TMX3: variants seen among roughly 807,000 people sequenced by gnomAD.
TMX3 encodes the protein thioredoxin related transmembrane protein 3, also known as protein disulfide-isomerase TMX3.
TMX3 carries 40 observed loss-of-function variants against 64.4 expected under a neutral mutation model. That is an observed-to-expected ratio of 0.62 (90% CI 0.48 to 0.81). The LOEUF is 0.81. Ranked by LOEUF, TMX3 falls within the 30% of genes least tolerant of loss-of-function variation. TMX3 has a pLI of 0.00. For missense variants in TMX3, 497 were observed against 534.5 expected, an observed-to-expected ratio of 0.93 and a Z score of 0.69; for synonymous variants, 189 against 175.7, an observed-to-expected ratio of 1.08 and a Z score of -0.60.
Position 68,682,936 on chromosome 18 carries a change from G to C in TMX3, c.894C>G (p.Thr298=), listed in dbSNP as rs1216818443. ...AGCACTTTACTTACTCCATCAGCAA[G>C]GTATTTATGTAGTCATTTCCATCCA... The part of the protein sequence containing the change: ...GHMDGNDYIN[T]LLMDELTVPT... The change falls in exon 13 of 16, where the codon ACC becomes ACG. Residue 298 remains threonine, a synonymous_variant. Transcript: ENST00000299608. 1 of 1,605,666 alleles carries C rather than the reference G, an allele frequency of 6.2e-7. No individual in the cohort carries two copies. The highest frequency in any genetic ancestry group is 2.3e-5 in the East Asian group (1 of 44,394).
Position 68,681,099 on chromosome 18 carries a change from A to AC in TMX3, c.916dup (p.Val306GlyfsTer19). 6.4e-7 allele frequency: 1 copy of AC among 1,564,306 alleles called. No individual in the cohort carries two copies. The highest frequency in any genetic ancestry group is 8.6e-7 in the Non-Finnish European group (1 of 1,157,864). On this transcript the variant is annotated frameshift_variant, in exon 14 of 16. Transcript: ENST00000299608. LOFTEE classifies it high-confidence loss of function. Reference sequence around the variant, plus strand: ...AGTATTCAGTACAACTACAGTTGGGACTGTCAATTCACTGAAAATATAAAA... The same window carrying AC: ...AGTATTCAGTACAACTACAGTTGGGACCTGTCAATTCACTGAAAATATAAAA...
At chr18:68,710,993 C>T (rs537305419) in intron 3 of TMX3, among the ~76,000 whole-genome samples, 2 of 152,168 alleles carry the variant, frequency 1.3e-5, no homozygotes, top group South Asian at 4.1e-4. Context: ...ATGACTTTGA[C>T]TAAGTGATAT....
At chr18:68,683,988 T>C (rs1913699558) in intron 12 of TMX3, among the ~76,000 whole-genome samples, 1 of 152,152 alleles carries the variant, frequency 6.6e-6, no homozygotes, top group Admixed American at 6.5e-5. Context: ...ATAGTATATG[T>C]AGCATTCCAT....
intron 15 of TMX3, among the ~76,000 whole-genome samples, chr18:68,677,467 A>C (rs1913032890): frequency 6.6e-6 from 1 of 152,096 alleles, no homozygotes; most frequent in African/African-American, 2.4e-5. Flanking sequence ...AAAGACACTG[A>C]TTTTTCTACA....
chr18:68,679,573 T>C (rs775678358), intron 14 of TMX3, 42 bp from the exon 15 acceptor site: 169 of 1,530,288 alleles, frequency 1.1e-4, no homozygotes, highest in Non-Finnish European at 1.5e-4. Flanking sequence ...TAAGCACCAT[T>C]ACTTCATTTA....
Position 68,675,398 on chromosome 18 carries a change from C to G in TMX3, c.*1535G>C, listed in dbSNP as rs1011447689. ...AGAATAGGTATTTAATTATTAAATA[C>G]TAAAAGAGTACATGGATAAAATAAA... is the stretch of plus-strand genomic sequence containing the variant. On this transcript the variant is annotated 3_prime_UTR_variant, in exon 16 of 16. Transcript: ENST00000299608. 7 of 151,892 alleles carry G rather than the reference C, an allele frequency of 4.6e-5. No individual in the cohort carries two copies. Among genetic ancestry groups the G allele is most frequent in the Non-Finnish European group, 1.0e-4 (7 of 67,976 alleles). 9.4% of individuals were successfully genotyped at this position (151,892 alleles called of 1,614,324 possible). A position where few individuals can be genotyped will look rare whatever the true frequency, so the allele number is the denominator to read the frequency against.
intron 7 of TMX3, 141 bp from the exon 8 acceptor site, chr18:68,697,444 A>G: frequency 2.3e-6 from 1 of 436,676 alleles, no homozygotes; most frequent in Admixed American, 4.1e-5. Context: ...GGTGAAGAGA[A>G]GAAATGTAAG....
intron 8 of TMX3, among the ~76,000 whole-genome samples, chr18:68,694,096 T>G (rs751406986): frequency 3.3e-5 from 5 of 152,116 alleles, no homozygotes; most frequent in Non-Finnish European, 7.4e-5. Context: ...TCATTCTTCC[T>G]GGATGCGGGA....
rs770365000 is a variant in TMX3 at position 68,701,755 on chromosome 18, T to C, written c.301A>G (p.Thr101Ala). ...ASEFGVRGYP[T>A]IKLLKGDLAY... ...CAACACTCAACTTACAGCTTAATTGTTGGATAACCTCGAACTCCAAACTCT... is the reference window on the plus strand; with the variant it reads ...CAACACTCAACTTACAGCTTAATTGCTGGATAACCTCGAACTCCAAACTCT... The change falls in exon 5 of 16, where the codon ACA (threonine) becomes GCA (alanine). Residue 101 changes from threonine (T) to alanine (A), a missense_variant. Physicochemically the swap from Thr to Ala is moderately conservative, Grantham distance 58. Coordinates refer to ENST00000299608, the MANE Select transcript of TMX3 (RefSeq NM_019022.5). The C allele has an allele frequency of 8.1e-6, 13 of 1,612,008 alleles. No individual in the cohort carries two copies. The highest frequency in any genetic ancestry group is 2.2e-5 in the East Asian group (1 of 44,754).
intron 13 of TMX3, 111 bp from the exon 14 acceptor site, chr18:68,681,221 G>A: frequency 1.0e-6 from 1 of 984,520 alleles, no homozygotes. Flanking sequence ...TAACACATTT[G>A]TGCATATTTT....
At chr18:68,696,499 CAG>C (rs10559555) in intron 8 of TMX3, among the ~76,000 whole-genome samples, 3,309 of 150,960 alleles carry the variant, frequency 0.022, 110 homozygotes, top group African/African-American at 0.076. Flanking sequence ...TTTTTTGAGA[CAG>C]AGTCTCACTC....
chr18:68,708,081 A>G (rs1317932088), intron 4 of TMX3, among the ~76,000 whole-genome samples: 1 of 151,288 alleles, frequency 6.6e-6, no homozygotes, highest in African/African-American at 2.4e-5. Flanking sequence ...ATATGTGTAT[A>G]TATATGTGTG....
chr18:68,696,156 T>A (rs1035230523), intron 8 of TMX3, among the ~76,000 whole-genome samples: 8 of 152,202 alleles, frequency 5.3e-5, no homozygotes, highest in African/African-American at 9.6e-5. Flanking sequence ...CACAGTTTTT[T>A]AATTTTTTAA....
chr18:68,694,462 G>A (rs538674939), intron 8 of TMX3, among the ~76,000 whole-genome samples: 3 of 152,314 alleles, frequency 2.0e-5, no homozygotes, highest in East Asian at 3.9e-4. Context: ...GCCTGGCTGT[G>A]CGCAGTGGCC....
intron 8 of TMX3, among the ~76,000 whole-genome samples, chr18:68,692,464 CAG>C (rs1914618425): frequency 6.6e-6 from 1 of 152,132 alleles, no homozygotes; most frequent in South Asian, 2.1e-4. Context: ...ATTCTGAAGT[CAG>C]AAATTGTCTG....
chr18:68,681,494 T>A, intron 13 of TMX3: 1 of 984,158 alleles, frequency 1.0e-6, no homozygotes, highest in Non-Finnish European at 1.2e-6. Context: ...TGATTCTTCA[T>A]TATATCCTAC....
At chr18:68,702,948 G>C (rs942513977) in intron 4 of TMX3, among the ~76,000 whole-genome samples, 3 of 152,194 alleles carry the variant, frequency 2.0e-5, no homozygotes, top group Non-Finnish European at 4.4e-5. Context: ...ATCTTCCTAA[G>C]AGGTAGCATA....
Position 68,677,024 on chromosome 18 carries a change from TC to T in TMX3, c.1273del (p.Glu425ArgfsTer14). The stretch of plus-strand genomic sequence containing the variant: ...GCTGGGCTCCTGCTGTTCTTTGCTC[TC>T]TTCTATCTGTTCTTGGTTTTCATTT... ...SENENQEQIEESKEQQEPSSG... is the reference protein window; with the variant it reads ...SENENQEQIEXSKEQQEPSSG... On this transcript the variant is annotated frameshift_variant, in exon 16 of 16. Transcript: ENST00000299608. LOFTEE classifies it low-confidence loss of function (END_TRUNC). 6.2e-7 allele frequency: 1 copy of T among 1,613,844 alleles called. No individual in the cohort carries two copies.
intron 8 of TMX3, among the ~76,000 whole-genome samples, chr18:68,695,710 T>C (rs1370210134): frequency 6.6e-6 from 1 of 152,174 alleles, no homozygotes; most frequent in African/African-American, 2.4e-5. Flanking sequence ...TCACTAACCA[T>C]CAAGCCCAAA....
Sources: allele counts gnomAD v4.1 joint callset (sites outside exome capture counted in the v4.1 genomes callset), GRCh38; gene constraint gnomAD v4.1.1; transcripts MANE v1.5; gene names NCBI Gene and HGNC (gene_info 2026-07-23, HGNC 2026-07-21).